The following PCDHA2 variants were observed in gnomAD, a reference collection of about 807,000 sequenced individuals.
The protein encoded by PCDHA2 is protocadherin alpha 2, also known as protocadherin alpha-2.
In PCDHA2, 58 loss-of-function variants were observed where a neutral mutation model predicts 66.0. The ratio of observed to expected loss-of-function variants is 0.88; its 90% CI spans 0.71 to 1.09. The LOEUF (loss-of-function observed/expected upper bound fraction) is 1.09. Among genes scored for constraint, PCDHA2 ranks in the 50% least tolerant of loss-of-function variants. The probability of loss-of-function intolerance (pLI) is 0.00; values close to 1 mark genes in which losing one functional copy is unlikely to be tolerated. For synonymous variants in PCDHA2, 634 were observed against 554.0 expected (o/e 1.14, Z -2.03); for missense variants, 1,267 against 1,242.3 (o/e 1.02, Z -0.30).
At chr5:140,871,627 G>A (rs1448842330) in intron 1 of PCDHA2, 32 of 1,398,812 alleles carry the variant, frequency 2.3e-5, no homozygotes, top group African/African-American at 4.4e-5. Flanking sequence ...AGATAACAAT[G>A]TCTGTTCATA....
Position 140,808,677 on chromosome 5 carries a change from G to T in PCDHA2, c.2388+11325G>T. ...CTGGTGTCCTACTCGCTGGTAGAGC[G>T]GCGGGTAGGGGAGCGCGCGCTGTCG... On this transcript the variant is annotated intron_variant, in intron 1 of 3. Coordinates refer to ENST00000526136, the MANE Select transcript of PCDHA2 (RefSeq NM_018905.3). The T allele has an allele frequency of 6.2e-7, 1 of 1,612,648 alleles. No individual in the cohort carries two copies. Among genetic ancestry groups the T allele is most frequent in the Non-Finnish European group, 8.5e-7 (1 of 1,179,834 alleles).
chr5:140,882,513 G>A (rs2059164592), intron 1 of PCDHA2: 3 of 1,614,072 alleles, frequency 1.9e-6, no homozygotes, highest in Admixed American at 3.3e-5. Context: ...CTGCAGAATG[G>A]CATTTTGTTT....
intron 1 of PCDHA2, among the ~76,000 whole-genome samples, chr5:140,891,891 A>G (rs1278331991): frequency 5.9e-5 from 9 of 152,214 alleles, no homozygotes; most frequent in Admixed American, 5.9e-4. Flanking sequence ...GTGACGATGC[A>G]GCAAGAAGAT....
chr5:140,808,872 C>T, intron 1 of PCDHA2: 3 of 1,613,186 alleles, frequency 1.9e-6, no homozygotes, highest in Non-Finnish European at 2.5e-6. Context: ...AACGACAACG[C>T]GCCAGCACTG....
At chr5:140,807,745 C>A in intron 1 of PCDHA2, 1 of 1,614,132 alleles carries the variant, frequency 6.2e-7, no homozygotes, top group Non-Finnish European at 8.5e-7. Flanking sequence ...CACCTGATGA[C>A]GAGCTGGTAA....
intron 1 of PCDHA2, among the ~76,000 whole-genome samples, chr5:140,949,990 C>T (rs2094438709): frequency 6.6e-6 from 1 of 151,832 alleles, no homozygotes; most frequent in Non-Finnish European, 1.5e-5. Context: ...TAACTTTTCT[C>T]AGTCCACTTA....
Position 140,796,739 on chromosome 5 carries a change from C to A in PCDHA2, c.1775C>A (p.Ala592Glu), listed in dbSNP as rs1554120077. ...PWSVGAGHVV[A>E]KVRAVDADSG... ...TCGGTGGGTGCAGGGCACGTGGTGGCGAAGGTGCGCGCAGTGGACGCTGAC... is the reference window on the plus strand; with the variant it reads ...TCGGTGGGTGCAGGGCACGTGGTGGAGAAGGTGCGCGCAGTGGACGCTGAC... The change falls in exon 1 of 4, where the codon GCG (alanine) becomes GAG (glutamate). Residue 592 changes from alanine to glutamate, a missense_variant. Coordinates refer to ENST00000526136, the MANE Select transcript of PCDHA2 (RefSeq NM_018905.3). 6.2e-7 allele frequency: 1 copy of A among 1,614,040 alleles called. No individual in the cohort carries two copies. The highest frequency in any genetic ancestry group is 8.5e-7 in the Non-Finnish European group (1 of 1,179,948).
intron 1 of PCDHA2, among the ~76,000 whole-genome samples, chr5:140,933,742 A>G (rs1242551337): frequency 6.6e-6 from 1 of 152,068 alleles, no homozygotes; most frequent in Non-Finnish European, 1.5e-5. Context: ...AATATTTGGT[A>G]GAATTCACTA....
chr5:140,963,348 T>C (rs1415746589), intron 1 of PCDHA2, among the ~76,000 whole-genome samples: 7 of 152,234 alleles, frequency 4.6e-5, no homozygotes, highest in Admixed American at 4.6e-4. Context: ...GTAAATTTAG[T>C]TCTTTTCAAA....
chr5:140,801,000 C>A, intron 1 of PCDHA2: 1 of 1,400,504 alleles, frequency 7.1e-7, no homozygotes, highest in Non-Finnish European at 9.3e-7. Context: ...CACGTTTAGC[C>A]ACATGATGTC....
chr5:140,813,645 A>T (rs183408897), intron 1 of PCDHA2: 1 of 152,194 alleles, frequency 6.6e-6, no homozygotes. Flanking sequence ...ATTACTGTGC[A>T]CTAATGTAGA....
chr5:140,863,401 CCCACGCTGGTGT>C, intron 1 of PCDHA2: 2 of 854,408 alleles, frequency 2.3e-6, no homozygotes, highest in East Asian at 4.2e-5. Flanking sequence ...GCCGGGCAAG[CCCACGCTGGTGT>C]ACCGCAGCGT....
chr5:141,002,689 T>C (rs2098092113), intron 3 of PCDHA2, among the ~76,000 whole-genome samples: 1 of 152,186 alleles, frequency 6.6e-6, no homozygotes, highest in African/African-American at 2.4e-5. Context: ...GACGTGCAGA[T>C]TTGTTTAACT....
chr5:141,006,646 A>G (rs1478861419), intron 3 of PCDHA2, among the ~76,000 whole-genome samples: 1 of 152,206 alleles, frequency 6.6e-6, no homozygotes, highest in African/African-American at 2.4e-5. Flanking sequence ...ATAAGAGATG[A>G]TGGTGTCCTG....
chr5:140,918,321 T>C (rs1175303192), intron 1 of PCDHA2, among the ~76,000 whole-genome samples: 2 of 152,054 alleles, frequency 1.3e-5, no homozygotes, highest in Non-Finnish European at 2.9e-5. Flanking sequence ...GGTATAAAAT[T>C]ATATTGTCTG....
chr5:140,859,512 T>A, intron 1 of PCDHA2: 1 of 196,766 alleles, frequency 5.1e-6, no homozygotes, highest in South Asian at 1.4e-4. Context: ...TACCCATGAT[T>A]TCATTTTTAA....
intron 1 of PCDHA2, among the ~76,000 whole-genome samples, chr5:140,901,201 G>A (rs2068505084): frequency 6.6e-6 from 1 of 152,038 alleles, no homozygotes; most frequent in Admixed American, 6.6e-5. Context: ...CTGTGCAGAA[G>A]GTTTTTAAGT....
intron 1 of PCDHA2, among the ~76,000 whole-genome samples, chr5:140,964,119 TAAC>T (rs146855097): frequency 0.014 from 2,059 of 152,320 alleles, 49 homozygotes; most frequent in African/African-American, 0.047. Context: ...AATCACATTC[TAAC>T]AACTAGTAAG....
chr5:140,857,393 G>T, intron 1 of PCDHA2: 1 of 1,598,492 alleles, frequency 6.3e-7, no homozygotes, highest in South Asian at 1.1e-5. Context: ...CGACGTGAAC[G>T]ACAACGCGCC....
Sources: allele counts gnomAD v4.1 joint callset (sites outside exome capture counted in the v4.1 genomes callset), GRCh38; gene constraint gnomAD v4.1.1; transcripts MANE v1.5; gene names NCBI Gene and HGNC (gene_info 2026-07-23, HGNC 2026-07-21).